SETBP1: variants seen among roughly 807,000 people sequenced by gnomAD.
SETBP1 encodes SET-binding protein.
SETBP1 carries 9 observed loss-of-function variants against 101.0 expected under a neutral mutation model. That is an observed-to-expected ratio of 0.09 (90% CI 0.05 to 0.16). The LOEUF (loss-of-function observed/expected upper bound fraction) is 0.16. Among genes scored for constraint, SETBP1 ranks in the 10% least tolerant of loss-of-function variants. The pLI is 1.00. For synonymous variants in SETBP1, 818 were observed against 788.5 expected (o/e 1.04, Z -0.63); for missense variants, 1,858 against 2,033.8 (o/e 0.91, Z 1.66).
At chr18:44,906,664 C>T (rs796588211) in intron 3 of SETBP1, among the ~76,000 whole-genome samples, 10 of 152,148 alleles carry the variant, frequency 6.6e-5, no homozygotes, top group African/African-American at 2.4e-4. Context: ...TATTAAATGA[C>T]TTAAAGGACA....
chr18:44,889,348 C>G (rs1182026910), intron 3 of SETBP1, among the ~76,000 whole-genome samples: 1 of 152,144 alleles, frequency 6.6e-6, no homozygotes, highest in Non-Finnish European at 1.5e-5. Context: ...ACCATCAGAG[C>G]CTTATTTATC....
At chr18:44,744,403 G>A (rs2070175105) in intron 2 of SETBP1, among the ~76,000 whole-genome samples, 1 of 152,252 alleles carries the variant, frequency 6.6e-6, no homozygotes, top group African/African-American at 2.4e-5. Flanking sequence ...GCCCTGCCTG[G>A]GAACAGGGGC....
chr18:44,755,431 A>G (rs1298681966), intron 2 of SETBP1, among the ~76,000 whole-genome samples: 1 of 152,016 alleles, frequency 6.6e-6, no homozygotes, highest in African/African-American at 2.4e-5. Flanking sequence ...TAGGAGGAGG[A>G]ACAGAGATAC....
chr18:44,800,843 C>T (rs568345463), intron 2 of SETBP1, among the ~76,000 whole-genome samples: 14 of 152,220 alleles, frequency 9.2e-5, no homozygotes, highest in South Asian at 6.2e-4. Flanking sequence ...ATGTTTATTG[C>T]GGCACTATTC....
At chr18:44,684,043 G>A (rs2068798654) in intron 1 of SETBP1, among the ~76,000 whole-genome samples, 1 of 152,186 alleles carries the variant, frequency 6.6e-6, no homozygotes, top group Non-Finnish European at 1.5e-5. Context: ...GGCTGCCCTG[G>A]AGGGTTAGCA....
rs2069121389 is a variant in SETBP1 at position 44,701,840 on chromosome 18, G to T, written c.486+8G>T. On this transcript the variant is annotated splice_region_variant and intron_variant, in intron 2 of 5. Coordinates refer to ENST00000649279, the MANE Select transcript of SETBP1 (RefSeq NM_015559.3). ...AGCCACTCCAAAAAGAAGGTAGGAAGCCCTGTCTTATGGTTGTTTTTGTTT... is the reference window on the plus strand; with the variant it reads ...AGCCACTCCAAAAAGAAGGTAGGAATCCCTGTCTTATGGTTGTTTTTGTTT... The T allele has an allele frequency of 6.2e-6, 10 of 1,611,310 alleles. No homozygotes were observed. The highest frequency in any genetic ancestry group is 7.6e-6 in the Non-Finnish European group (9 of 1,179,962).
chr18:44,959,699 G>T (rs766969349), intron 4 of SETBP1, among the ~76,000 whole-genome samples: 1 of 152,148 alleles, frequency 6.6e-6, no homozygotes, highest in South Asian at 2.1e-4. Flanking sequence ...TGTGTTCTCA[G>T]TGGGGGAGGA....
chr18:44,742,603 G>T (rs2070123408), intron 2 of SETBP1, among the ~76,000 whole-genome samples: 1 of 152,142 alleles, frequency 6.6e-6, no homozygotes, highest in South Asian at 2.1e-4. Flanking sequence ...CAGAAGATTT[G>T]GGAGGTTGTT....
intron 3 of SETBP1, among the ~76,000 whole-genome samples, chr18:44,907,114 T>C (rs1389470152): frequency 6.6e-6 from 1 of 152,244 alleles, no homozygotes; most frequent in Non-Finnish European, 1.5e-5. Context: ...ATAGGTGGCT[T>C]CTTTTATTTG....
chr18:44,896,421 T>A (rs2144808597), intron 3 of SETBP1, among the ~76,000 whole-genome samples: 1 of 152,300 alleles, frequency 6.6e-6, no homozygotes, highest in Non-Finnish European at 1.5e-5. Context: ...ATTGTACAAG[T>A]CTAATTATTC....
rs774320215 is a variant in SETBP1, at chr18:44,969,293, G to A, written c.4000+15953G>A. On this transcript the variant is annotated intron_variant, in intron 4 of 5. Coordinates refer to ENST00000649279, the MANE Select transcript of SETBP1 (RefSeq NM_015559.3). ...TTGAATGGGGAAAATGATACAAAAC[G>A]TCTGAAGAATTGAGAGTCTGACAAG... Among the ~76,000 whole-genome samples the A allele has an allele frequency of 4.1e-4, 63 of 152,210 alleles. No homozygotes were observed. In the Middle Eastern group the frequency reaches 0.01, roughly 25 times the overall value.
chr18:44,867,738 G>T (rs994366674), intron 2 of SETBP1, among the ~76,000 whole-genome samples: 1 of 152,104 alleles, frequency 6.6e-6, no homozygotes, highest in Non-Finnish European at 1.5e-5. Context: ...TGGGGAATGG[G>T]GGGGTGGGGA....
chr18:44,728,254 CCTT>C (rs1362407585), intron 2 of SETBP1, among the ~76,000 whole-genome samples: 4 of 152,160 alleles, frequency 2.6e-5, no homozygotes, highest in African/African-American at 9.7e-5. Flanking sequence ...GAAGTAGAAA[CCTT>C]CTGGAGATTT....
chr18:45,027,589 G>A (rs16978247), intron 4 of SETBP1, among the ~76,000 whole-genome samples: 8,180 of 152,184 alleles, frequency 0.054, 756 homozygotes, highest in African/African-American at 0.19. Context: ...TGTAGGGGAC[G>A]CACTTAACTT....
intron 3 of SETBP1, among the ~76,000 whole-genome samples, chr18:44,903,812 C>T (rs780091432): frequency 3.9e-5 from 6 of 152,170 alleles, no homozygotes; most frequent in Non-Finnish European, 7.4e-5. Context: ...TCAGTAAATA[C>T]CACAGTGGTT....
At chr18:44,833,054 T>A (rs1276299034) in intron 2 of SETBP1, among the ~76,000 whole-genome samples, 1 of 152,192 alleles carries the variant, frequency 6.6e-6, no homozygotes, top group East Asian at 1.9e-4. Flanking sequence ...TCTGCTCTGA[T>A]TAGGGGCCTA....
At chr18:44,908,008 A>G (rs2070215169) in intron 3 of SETBP1, among the ~76,000 whole-genome samples, 1 of 151,892 alleles carries the variant, frequency 6.6e-6, no homozygotes, top group East Asian at 1.9e-4. Flanking sequence ...TATTTGGTGT[A>G]TTGTAGAAAG....
At chr18:44,861,590 G>A (rs948820297) in intron 2 of SETBP1, among the ~76,000 whole-genome samples, 3 of 151,988 alleles carry the variant, frequency 2.0e-5, no homozygotes, top group Admixed American at 6.6e-5. Context: ...GGTAGCCAGA[G>A]GCTCATAAGA....
chr18:44,776,018 C>T lies in SETBP1; in HGVS notation c.486+74186C>T, dbSNP rs62093108. On this transcript the variant is annotated intron_variant, in intron 2 of 5. Transcript: ENST00000649279. ...TGTTCAATGGACAGAGCCGTTTTAA[C>T]GTAGTTGTAATTGACTTGTATTTCT... 7.4e-4 allele frequency among the ~76,000 whole-genome samples: 112 copies of T among 152,168 alleles called. 1 individual carries two copies. Among genetic ancestry groups the T allele is most frequent in the Non-Finnish European group, 1.2e-3 (82 of 67,996 alleles).
Sources: gnomAD v4.1 joint callset for allele counts (sites outside exome capture counted in the v4.1 genomes callset) on GRCh38, gnomAD v4.1.1 for gene constraint, MANE v1.5 for transcripts, NCBI Gene and HGNC (gene_info 2026-07-23, HGNC 2026-07-21) for gene names.